Variants in GLYATL1 observed in about 807,000 individuals in gnomAD.
GLYATL1 encodes glycine-N-acyltransferase like 1.
GLYATL1 carries 15 observed loss-of-function variants against 20.0 expected under a neutral mutation model. The ratio of observed to expected loss-of-function variants is 0.75; its 90% confidence interval spans 0.50 to 1.15. GLYATL1 has a LOEUF of 1.15. Among genes scored for constraint, GLYATL1 ranks in the 50% most tolerant of loss-of-function variants. The pLI is 0.00. For missense variants in GLYATL1, 380 were observed against 368.5 expected (o/e 1.03, Z -0.26); for synonymous variants, 151 against 131.5 (o/e 1.15, Z -1.01).
chr11:58,941,376 T>A (rs1856139660), intron 1 of GLYATL1, among the ~76,000 whole-genome samples: 1 of 152,152 alleles, frequency 6.6e-6, no homozygotes, highest in African/African-American at 2.4e-5. Context: ...GAACTCGTCA[T>A]TTTTTATGGC....
At chr11:58,932,110 C>CAAAA (rs5792141) in intron 1 of GLYATL1, among the ~76,000 whole-genome samples, 1,410 of 61,348 alleles carry the variant, frequency 0.023, 128 homozygotes, top group African/African-American at 0.093. Flanking sequence ...GACCCCTTCT[C>CAAAA]AAAAAAAAAA....
At chr11:58,932,110 CAAAA>C (rs5792141) in intron 1 of GLYATL1, among the ~76,000 whole-genome samples, 1 of 61,494 alleles carries the variant, frequency 1.6e-5, no homozygotes, top group African/African-American at 7.1e-5. Flanking sequence ...GACCCCTTCT[CAAAA>C]AAAAAAAAAA....
At chr11:58,908,518 G>T in exon 2 of GLYATL1, 2 of 213,374 alleles carry the variant, frequency 9.4e-6, no homozygotes, top group South Asian at 1.8e-4. Context: ...TACAGAGGAT[G>T]ACCAGAGGGC....
At chr11:58,930,086 C>G (rs992066772) in intron 1 of GLYATL1, among the ~76,000 whole-genome samples, 19 of 149,482 alleles carry the variant, frequency 1.3e-4, no homozygotes, top group Non-Finnish European at 1.9e-4. Context: ...AGTAGAAGCT[C>G]AGGATGCTGC....
chr11:58,954,609 A>G (rs1187738120), intron 4 of GLYATL1, among the ~76,000 whole-genome samples, 161 bp from the exon 5 acceptor site: 1 of 152,184 alleles, frequency 6.6e-6, no homozygotes, highest in Admixed American at 6.5e-5. Flanking sequence ...GGTCAGCGGT[A>G]GCTTATAGGC....
upstream of GLYATL1, among the ~76,000 whole-genome samples, chr11:58,923,435 T>C (rs1855354069): frequency 6.6e-6 from 1 of 152,156 alleles, no homozygotes; most frequent in African/African-American, 2.4e-5. Context: ...AATGAAGTAG[T>C]GGCCCGCAAC....
chr11:58,945,020 T>C (rs1856461435), intron 2 of GLYATL1, among the ~76,000 whole-genome samples: 1 of 113,400 alleles, frequency 8.8e-6, no homozygotes, highest in Non-Finnish European at 1.8e-5. Context: ...TATATACATA[T>C]ATAAAATATA....
At chr11:58,923,111 A>G (rs1590771886), upstream of GLYATL1, among the ~76,000 whole-genome samples, 1 of 152,310 alleles carries the variant, frequency 6.6e-6, no homozygotes, top group East Asian at 1.9e-4. Context: ...ACACTTGCTC[A>G]GACTTTTGCT....
At chr11:58,909,765 A>G (rs932593479), downstream of GLYATL1, among the ~76,000 whole-genome samples, 2 of 152,212 alleles carry the variant, frequency 1.3e-5, no homozygotes, top group South Asian at 2.1e-4. Context: ...TTCTATCAAT[A>G]AGAGCTCTCC....
chr11:58,949,183 G>T (rs1217354619), intron 4 of GLYATL1, among the ~76,000 whole-genome samples: 1 of 152,086 alleles, frequency 6.6e-6, no homozygotes, highest in Admixed American at 6.5e-5. Flanking sequence ...ATACACATCT[G>T]GTTAGTAAAC....
At chr11:58,946,239 C>CCTGGA (rs1856559975) in intron 2 of GLYATL1, among the ~76,000 whole-genome samples, 2 of 152,162 alleles carry the variant, frequency 1.3e-5, no homozygotes, top group Non-Finnish European at 2.9e-5. Context: ...TAATGCTATG[C>CCTGGA]ATTTTATACA....
At chr11:58,930,170 A>G (rs2135131968) in intron 1 of GLYATL1, among the ~76,000 whole-genome samples, 1 of 152,346 alleles carries the variant, frequency 6.6e-6, no homozygotes. Context: ...GGCTTACTTT[A>G]TCTTGGCTGC....
At chr11:58,913,006 G>C (rs528737941), downstream of GLYATL1, among the ~76,000 whole-genome samples, 1 of 152,284 alleles carries the variant, frequency 6.6e-6, no homozygotes, top group South Asian at 2.1e-4. Context: ...ACATCCAATG[G>C]AAGGCCATAC....
chr11:58,949,955 C>T (rs984817913), intron 4 of GLYATL1, among the ~76,000 whole-genome samples: 1 of 151,520 alleles, frequency 6.6e-6, no homozygotes, highest in Non-Finnish European at 1.5e-5. Context: ...CTTACCTCCC[C>T]TCCCCTCCTC....
upstream of GLYATL1, among the ~76,000 whole-genome samples, chr11:58,922,740 G>T (rs114599278): frequency 1.3e-5 from 2 of 152,228 alleles, no homozygotes; most frequent in African/African-American, 4.8e-5. Context: ...CTTTGGGTTT[G>T]GCTTGAGCTA....
intron 2 of GLYATL1, among the ~76,000 whole-genome samples, chr11:58,945,046 G>GTT (rs1856464455): frequency 1.7e-4 from 2 of 11,988 alleles, no homozygotes; most frequent in Non-Finnish European, 9.1e-4. Context: ...TATATATAGG[G>GTT]GTATATATAT....
intron 2 of GLYATL1, 33 bp from the exon 3 acceptor site, chr11:58,947,013 T>G: frequency 6.6e-7 from 1 of 1,513,588 alleles, no homozygotes; most frequent in South Asian, 1.1e-5. Context: ...ATTTGTTTCC[T>G]TAACATTTTC....
intron 4 of GLYATL1, 103 bp downstream of exon 4, chr11:58,948,068 G>GT (rs747313076): frequency 3.2e-5 from 24 of 757,834 alleles, no homozygotes; most frequent in Non-Finnish European, 5.6e-5. Context: ...GAAAGGAAAC[G>GT]TGAGTATTTT....
chr11:58,908,003 T>C (rs1321301821), exon 2 of GLYATL1: 1 of 153,052 alleles, frequency 6.5e-6, no homozygotes, highest in Admixed American at 6.5e-5. Context: ...TTTCCGATAG[T>C]TCTTTTCCTG....
Sources: gnomAD v4.1 joint callset for allele counts (sites outside exome capture counted in the v4.1 genomes callset) on GRCh38, gnomAD v4.1.1 for gene constraint, MANE v1.5 for transcripts, NCBI Gene and HGNC (gene_info 2026-07-23, HGNC 2026-07-21) for gene names.